The following ARHGAP33 variants were observed in gnomAD, a reference collection of about 807,000 sequenced individuals.
ARHGAP33 encodes the protein Rho GTPase activating protein 33.
Under a neutral mutation model 126.2 loss-of-function variants are expected in ARHGAP33, and 57 were observed. That is an observed-to-expected ratio of 0.45 (90% CI 0.36 to 0.56). The LOEUF is 0.56. ARHGAP33 is among the 20% of genes least tolerant of loss of function. The pLI is 0.00. For synonymous variants in ARHGAP33, 711 were observed against 755.0 expected (o/e 0.94, Z 0.95); for missense variants, 1,500 against 1,748.3 (o/e 0.86, Z 2.53).
chr19:35,786,789 G>A lies in ARHGAP33; in HGVS notation c.2319G>A (p.Arg773=), dbSNP rs1401877717. 1 of 1,517,902 alleles carries A rather than the reference G, an allele frequency of 6.6e-7. No homozygotes were observed. Among genetic ancestry groups the A allele is most frequent in the Non-Finnish European group, 8.8e-7 (1 of 1,136,446 alleles). 94.0% of individuals were successfully genotyped at this position (1,517,902 alleles called of 1,614,324 possible). Residue 773 remains arginine, a synonymous_variant, in exon 20 of 21, where the codon AGG becomes AGA. Transcript: ENST00000007510. The surrounding 1 kb of genome is among the most constrained non-coding windows in gnomAD (Gnocchi z 7.0). The part of the protein sequence containing the change: ...PPAPASAFPP[R]VTPQAISPRG... ...CCCCTGCCTCTGCCTTCCCACCCAG[G>A]GTGACCCCCCAGGCCATCTCGCCCC...
rs1243844279 is a variant in ARHGAP33, at chr19:35,782,547, G to T, written c.1230+30G>T. 2 of 1,613,398 alleles carry T rather than the reference G, an allele frequency of 1.2e-6. No homozygotes were observed. Among genetic ancestry groups the T allele is most frequent in the African/African-American group, 2.7e-5 (2 of 74,926 alleles). On this transcript the variant is annotated intron_variant, in intron 13 of 20. Coordinates refer to ENST00000007510, the MANE Select transcript of ARHGAP33 (RefSeq NM_001366178.1). This position sits in a 1 kb window ranked among gnomAD's most constrained non-coding sequence, Gnocchi z 4.1. ...GTAAGGGAGCTGGCGGGACGGAGGG[G>T]GCCGGGACGCCTCTGGCCCAGACCT...
At chr19:35,783,631 G>T (rs1374527440) in intron 15 of ARHGAP33, among the ~76,000 whole-genome samples, 1 of 152,096 alleles carries the variant, frequency 6.6e-6, no homozygotes, top group Admixed American at 6.5e-5. Context: ...GAGGGGCTGA[G>T]GGAGAGGAGA....
At chr19:35,781,929 A>C in intron 12 of ARHGAP33, among the ~76,000 whole-genome samples, 1 of 151,718 alleles carries the variant, frequency 6.6e-6, no homozygotes, top group East Asian at 1.9e-4. Flanking sequence ...TGAAGCCTGC[A>C]GGGGGGTGGC....
chr19:35,786,304 C>T lies in ARHGAP33; in HGVS notation c.1943-109C>T. ...ATCTGAACAGCTCTTCCTGGCTTCA[C>T]ACTACTGTGGCCCTCTCCAGGAGGC... On this transcript the variant is annotated intron_variant, in intron 19 of 20. Transcript: ENST00000007510. This position sits in a 1 kb window ranked among gnomAD's most constrained non-coding sequence, Gnocchi z 7.0. 6.9e-7 allele frequency: 1 copy of T among 1,439,488 alleles called. No individual in the cohort carries two copies. 89.2% of individuals were successfully genotyped at this position (1,439,488 alleles called of 1,614,324 possible).
rs770458119 is a variant in ARHGAP33 at position 35,777,840 on chromosome 19, G to C, written c.121G>C (p.Gly41Arg). ...GTCTCCCAGGCTCTCAGCTCCTCGA[G>C]GCCCCTTCCCGCGGCTGGCTGACTG... ...KPGKRLSAPR[G>R]PFPRLADCAH... The change falls in exon 3 of 21, where the codon GGC (glycine) becomes CGC (arginine). Residue 41 changes from glycine to arginine, a missense_variant. Transcript: ENST00000007510. 8 of 1,614,082 alleles carry C rather than the reference G, an allele frequency of 5.0e-6. No individual in the cohort carries two copies. Among genetic ancestry groups the C allele is most frequent in the Non-Finnish European group, 6.8e-6 (8 of 1,180,040 alleles).
chr19:35,780,678 G>A (rs1409693961), intron 9 of ARHGAP33, 30 bp downstream of exon 9: 2 of 1,610,692 alleles, frequency 1.2e-6, no homozygotes, highest in East Asian at 4.5e-5. Context: ...GGGAGGTGTG[G>A]GGAGGGGTGG....
Position 35,783,039 on chromosome 19 carries a change from C to T in ARHGAP33, c.1421+170C>T, listed in dbSNP as rs917074634. ...ACCCAGCACTGAGCATGGCCCTGTC[C>T]TCCTGGGACTCATGTTCTCATGGAG... On this transcript the variant is annotated intron_variant, in intron 15 of 20. Transcript: ENST00000007510. The T allele has an allele frequency of 9.9e-6, 6 of 607,170 alleles. No individual in the cohort carries two copies. In the East Asian group the frequency reaches 1.7e-4, roughly 17 times the overall value. 37.6% of individuals were successfully genotyped at this position (607,170 alleles called of 1,614,324 possible). A position where few individuals can be genotyped will look rare whatever the true frequency, so the allele number is the denominator to read the frequency against.
Position 35,782,622 on chromosome 19 carries a change from A to T in ARHGAP33, c.1256A>T (p.Glu419Val), listed in dbSNP as rs751109681. Reference sequence around the variant, plus strand: ...GAGGCCATGTCAGTGCCTGGGGAGGAGGAGCGTCTGGTGCGGGTGCACGAT... The same window carrying T: ...GAGGCCATGTCAGTGCCTGGGGAGGTGGAGCGTCTGGTGCGGGTGCACGAT... Reference protein sequence around the residue: ...FSEAMSVPGEEERLVRVHDVI... With the variant: ...FSEAMSVPGEVERLVRVHDVI... The change falls in exon 14 of 21, where the codon GAG (glutamate) becomes GTG (valine). Residue 419 changes from glutamate to valine, a missense_variant. By Grantham distance (121) the Glu-to-Val change is moderately radical (BLOSUM62 -2). This residue lies in a region of ARHGAP33 where 281 missense variants were observed against 413.7 expected (regional missense o/e 0.68). Transcript: ENST00000007510. This position sits in a 1 kb window ranked among gnomAD's most constrained non-coding sequence, Gnocchi z 4.1. 18 of 1,613,758 alleles carry T rather than the reference A, an allele frequency of 1.1e-5. No homozygotes were observed. The highest frequency in any genetic ancestry group is 1.5e-5 in the Non-Finnish European group (18 of 1,179,922).
In ARHGAP33 at chr19:35,785,295, C is replaced by T. The variant is rs770832689; in HGVS notation, c.1828C>T (p.Pro610Ser). 2 of 1,604,414 alleles carry T rather than the reference C, an allele frequency of 1.2e-6. No individual in the cohort carries two copies. Among genetic ancestry groups the T allele is most frequent in the Non-Finnish European group, 1.7e-6 (2 of 1,174,830 alleles). ...GPSVPRKKPL[P>S]WLGGTRAPPQ... ...CAGTGTCCCTCGAAAGAAGCCCCTGCCCTGGCTGGGGGGCACCCGTGCCCC... is the reference window on the plus strand; with the variant it reads ...CAGTGTCCCTCGAAAGAAGCCCCTGTCCTGGCTGGGGGGCACCCGTGCCCC... The change falls in exon 18 of 21, where the codon CCC (proline) becomes TCC (serine). Residue 610 changes from proline (P) to serine (S), a missense_variant. Coordinates refer to ENST00000007510, the MANE Select transcript of ARHGAP33 (RefSeq NM_001366178.1).
chr19:35,781,083 G>A lies in ARHGAP33; in HGVS notation c.982+11G>A, dbSNP rs1568425719. 1.2e-6 allele frequency: 2 copies of A among 1,611,362 alleles called. No individual in the cohort carries two copies. The highest frequency in any genetic ancestry group is 1.7e-6 in the Non-Finnish European group (2 of 1,179,598). On this transcript the variant is annotated intron_variant, in intron 11 of 20. Coordinates refer to ENST00000007510, the MANE Select transcript of ARHGAP33 (RefSeq NM_001366178.1). ...ACTCAGGCCAGGATGGTGAGGCCGG[G>A]GCCCACCCACCCCACCCGTCACACC...
rs374049945 is a variant in ARHGAP33 at position 35,787,367 on chromosome 19, G to C, written c.2802G>C (p.Ser934=). ...CTTCCCAATCCCCCTTCCACCGCTC[G>C]CTGTCTCTGGAGGTGGGCGGGGAGC... ...PPASQSPFHR[S]LSLEVGGEPL... The change falls in exon 21 of 21, where the codon TCG becomes TCC. Residue 934 remains serine (S), a synonymous_variant. Coordinates refer to ENST00000007510, the MANE Select transcript of ARHGAP33 (RefSeq NM_001366178.1). 4.3e-6 allele frequency: 7 copies of C among 1,609,602 alleles called. No homozygotes were observed. The highest frequency in any genetic ancestry group is 5.9e-6 in the Non-Finnish European group (7 of 1,177,584).
chr19:35,780,123 G>A (rs890617439), intron 6 of ARHGAP33, 88 bp from the exon 7 acceptor site: 3 of 1,549,968 alleles, frequency 1.9e-6, no homozygotes, highest in African/African-American at 2.7e-5. Flanking sequence ...GGGGCGGGCA[G>A]TGGCCTCACC....
Position 35,787,673 on chromosome 19 carries a change from C to A in ARHGAP33, c.3108C>A (p.Ala1036=), listed in dbSNP as rs1351577804. The A allele has an allele frequency of 1.9e-6, 3 of 1,594,370 alleles. No homozygotes were observed. Among genetic ancestry groups the A allele is most frequent in the South Asian group, 1.1e-5 (1 of 88,188 alleles). Residue 1036 remains alanine (A), a synonymous_variant, in exon 21 of 21, where the codon GCC becomes GCA. Coordinates refer to ENST00000007510, the MANE Select transcript of ARHGAP33 (RefSeq NM_001366178.1). ...QVPTPGFFSP[A]PRECLPPFLG... is the part of the protein sequence containing the mutation. ...CTACCCCCGGCTTCTTCTCCCCAGC[C>A]CCCAGGGAGTGCCTGCCACCCTTCC... is the stretch of plus-strand genomic sequence containing the variant.
In ARHGAP33 at chr19:35,787,556, C is replaced by G; in HGVS notation, c.2991C>G (p.Ala997=). Residue 997 remains alanine (A), a synonymous_variant, in exon 21 of 21, where the codon GCC becomes GCG. Transcript: ENST00000007510. ...CAAGGAGGGGACTCCGAGGCCCTGCCCAGGTCAGTGCCCAGCTCAGGGCAG... is the reference window on the plus strand; with the variant it reads ...CAAGGAGGGGACTCCGAGGCCCTGCGCAGGTCAGTGCCCAGCTCAGGGCAG... ...GTSRRGLRGP[A]QVSAQLRAGG... 3 of 1,612,118 alleles carry G rather than the reference C, an allele frequency of 1.9e-6. No homozygotes were observed. Among genetic ancestry groups the G allele is most frequent in the Non-Finnish European group, 2.5e-6 (3 of 1,179,558 alleles).
intron 19 of ARHGAP33, 50 bp downstream of exon 19, chr19:35,785,533 G>T: frequency 6.2e-7 from 1 of 1,609,746 alleles, no homozygotes. Context: ...ATGTGGAGCC[G>T]GGAGGAATTG....
At chr19:35,775,920 A>G (rs809418) in intron 1 of ARHGAP33, among the ~76,000 whole-genome samples, 76,482 of 151,420 alleles carry the variant, frequency 0.51, 20,946 homozygotes, top group East Asian at 0.75. Context: ...AGGCGGGGCT[A>G]GTCCAGGAAG....
In ARHGAP33 at chr19:35,787,613, A is replaced by C. The variant is rs1265181646; in HGVS notation, c.3048A>C (p.Ala1016=). The C allele has an allele frequency of 1.2e-6, 2 of 1,603,300 alleles. No individual in the cohort carries two copies. Among genetic ancestry groups the C allele is most frequent in the African/African-American group, 2.7e-5 (2 of 74,250 alleles). ...GGGGRDAPEA[A]AQSPCSVPSQ... ...GGGGCAGGGATGCGCCAGAGGCAGC[A>C]GCCCAGTCCCCATGTTCTGTCCCCT... Residue 1016 remains alanine (A), a synonymous_variant, in exon 21 of 21, where the codon GCA becomes GCC. Coordinates refer to ENST00000007510, the MANE Select transcript of ARHGAP33 (RefSeq NM_001366178.1).
At chr19:35,779,204 G>A in intron 6 of ARHGAP33, 80 bp downstream of exon 6, 2 of 1,146,108 alleles carry the variant, frequency 1.7e-6, no homozygotes, top group Non-Finnish European at 2.5e-6. Context: ...CGGTGTGTGT[G>A]TGGGCATAGA....
intron 15 of ARHGAP33, among the ~76,000 whole-genome samples, chr19:35,783,535 G>A (rs548332449): frequency 2.9e-4 from 44 of 152,296 alleles, no homozygotes; most frequent in South Asian, 1.7e-3. Flanking sequence ...CTGAGGGAAC[G>A]GCAGGTGCAG....
Sources: allele counts gnomAD v4.1 joint callset (sites outside exome capture counted in the v4.1 genomes callset), GRCh38; gene constraint gnomAD v4.1.1; regional missense constraint gnomAD v4.1.1; non-coding constraint Gnocchi (gnomAD v3.1); transcripts MANE v1.5; gene names NCBI Gene and HGNC (gene_info 2026-07-23, HGNC 2026-07-21).